FOXP1: variants seen among roughly 807,000 people sequenced by gnomAD.
The protein encoded by FOXP1 is forkhead box P1.
FOXP1 carries 15 observed loss-of-function variants against 98.2 expected under a neutral mutation model. The observed-to-expected ratio is 0.15, with a 90% confidence interval of 0.10 to 0.24. The LOEUF is 0.24. Among genes scored for constraint, FOXP1 ranks in the 10% least tolerant of loss-of-function variants. The probability of loss-of-function intolerance (pLI) is 1.00; values close to 1 mark genes in which losing one functional copy is unlikely to be tolerated. For synonymous variants in FOXP1, 371 were observed against 314.5 expected (o/e 1.18, Z -1.90); for missense variants, 633 against 848.5 (o/e 0.75, Z 3.15).
intron 3 of FOXP1, among the ~76,000 whole-genome samples, chr3:71,380,296 G>T (rs1329521237): frequency 6.6e-6 from 1 of 152,150 alleles, no homozygotes; most frequent in African/African-American, 2.4e-5. Context: ...TGAGCCGCAG[G>T]TTCTAATTTT....
At chr3:71,052,871 A>T (rs1372308319) in intron 8 of FOXP1, among the ~76,000 whole-genome samples, 2 of 152,264 alleles carry the variant, frequency 1.3e-5, no homozygotes. Flanking sequence ...TAATTAAAAT[A>T]AGGCAAAGAA....
intron 3 of FOXP1, among the ~76,000 whole-genome samples, chr3:71,478,650 T>C (rs2090040146): frequency 6.6e-6 from 1 of 152,220 alleles, no homozygotes; most frequent in Non-Finnish European, 1.5e-5. Context: ...TCAGTATGCA[T>C]TAATGGCACT....
At chr3:71,111,158 T>A (rs2057887631) in intron 7 of FOXP1, among the ~76,000 whole-genome samples, 1 of 152,094 alleles carries the variant, frequency 6.6e-6, no homozygotes. Context: ...AAGCTAGAAT[T>A]TAGGTTGACC....
chr3:71,464,437 C>T (rs1441501144), intron 3 of FOXP1, among the ~76,000 whole-genome samples: 5 of 152,164 alleles, frequency 3.3e-5, no homozygotes, highest in African/African-American at 9.7e-5. Flanking sequence ...CTTAAAGGCC[C>T]CACACAAGTT....
In FOXP1 at chr3:70,979,279, CAA is replaced by C. The variant is rs544916383; in HGVS notation, c.1147-1252_1147-1251del. 2.4e-3 allele frequency among the ~76,000 whole-genome samples: 102 copies of C among 42,526 alleles called. 1 individual carries two copies. The South Asian group carries it at 0.037, about 15-fold the overall frequency. 27.9% of individuals were successfully genotyped at this position (42,526 alleles called of 152,430 possible). ...TGGGTGATAGAGTGAGACTCTACCT[CAA>C]AAAAAAAAAAAAAAAAAAAAAAAAA... On this transcript the variant is annotated intron_variant, in intron 14 of 20. Transcript: ENST00000649528.
At chr3:71,062,556 C>T (rs2051676013) in intron 7 of FOXP1, among the ~76,000 whole-genome samples, 2 of 152,184 alleles carry the variant, frequency 1.3e-5, no homozygotes, top group South Asian at 2.1e-4. Context: ...ATTATCATAG[C>T]TTAGCCATGA....
At chr3:71,111,807 T>C (rs1440361599) in intron 7 of FOXP1, among the ~76,000 whole-genome samples, 1 of 152,212 alleles carries the variant, frequency 6.6e-6, no homozygotes, top group African/African-American at 2.4e-5. Flanking sequence ...TATCTTTACA[T>C]AAAAATTTCT....
At chr3:71,354,276 T>A (rs1434372963) in intron 4 of FOXP1, among the ~76,000 whole-genome samples, 1 of 142,802 alleles carries the variant, frequency 7.0e-6, no homozygotes, top group East Asian at 1.9e-4. Flanking sequence ...AGACTCCGTC[T>A]CCAGAAAAAA....
At chr3:71,348,046 G>A (rs1227603240) in intron 4 of FOXP1, among the ~76,000 whole-genome samples, 3 of 152,194 alleles carry the variant, frequency 2.0e-5, no homozygotes, top group African/African-American at 7.2e-5. Flanking sequence ...ATTAGGCACA[G>A]TAAGAGATTA....
chr3:71,317,446 A>C (rs1037098151), intron 4 of FOXP1, among the ~76,000 whole-genome samples: 1 of 152,234 alleles, frequency 6.6e-6, no homozygotes, highest in African/African-American at 2.4e-5. Context: ...AGAAATATTA[A>C]CTAAGAATTT....
intron 17 of FOXP1, among the ~76,000 whole-genome samples, chr3:70,976,603 G>A (rs2037589857): frequency 6.6e-6 from 1 of 152,150 alleles, no homozygotes; most frequent in African/African-American, 2.4e-5. Context: ...GGCTGTGGCT[G>A]AAGACCTAAC....
At chr3:71,570,637 C>T (rs982339819) in intron 2 of FOXP1, 1 of 152,222 alleles carries the variant, frequency 6.6e-6, no homozygotes, top group South Asian at 2.1e-4. Context: ...CATCTCAGCC[C>T]AAGGAGGCAG....
chr3:71,242,118 C>T (rs1459438432), intron 5 of FOXP1, among the ~76,000 whole-genome samples: 1 of 152,184 alleles, frequency 6.6e-6, no homozygotes, highest in Non-Finnish European at 1.5e-5. Context: ...CCTGCTTCTA[C>T]TTGCAGCAAT....
At chr3:71,516,638 G>A (rs983000925) in intron 2 of FOXP1, among the ~76,000 whole-genome samples, 4 of 152,130 alleles carry the variant, frequency 2.6e-5, no homozygotes, top group African/African-American at 7.2e-5. Context: ...CTGAGGTCAG[G>A]AGTTCAAGAC....
chr3:71,224,569 A>C (rs1277853691), intron 5 of FOXP1, among the ~76,000 whole-genome samples: 2 of 152,224 alleles, frequency 1.3e-5, no homozygotes, highest in African/African-American at 2.4e-5. Flanking sequence ...AGTGTCTCAG[A>C]AAACATACAC....
At chr3:71,476,505 C>A (rs2089856251) in intron 3 of FOXP1, among the ~76,000 whole-genome samples, 1 of 151,964 alleles carries the variant, frequency 6.6e-6, no homozygotes, top group Admixed American at 6.6e-5. Context: ...CAGAATGAGT[C>A]CTCGGGTTAT....
chr3:71,008,393 G>A (rs1242201174), intron 12 of FOXP1, among the ~76,000 whole-genome samples: 1 of 152,174 alleles, frequency 6.6e-6, no homozygotes, highest in Non-Finnish European at 1.5e-5. Context: ...CAAGTGGGGA[G>A]AAGATGGAAG....
intron 3 of FOXP1, among the ~76,000 whole-genome samples, chr3:71,449,919 G>C (rs2086784639): frequency 6.6e-6 from 1 of 152,092 alleles, no homozygotes; most frequent in South Asian, 2.1e-4. Context: ...GTAAATAAAA[G>C]TTTAAAAAAT....
intron 3 of FOXP1, among the ~76,000 whole-genome samples, chr3:71,463,840 G>T (rs2088417666): frequency 6.6e-6 from 1 of 152,106 alleles, no homozygotes. Flanking sequence ...CATATATTTT[G>T]TAATAACGGA....
Sources: gnomAD v4.1 joint callset for allele counts (sites outside exome capture counted in the v4.1 genomes callset) on GRCh38, gnomAD v4.1.1 for gene constraint, MANE v1.5 for transcripts, NCBI Gene and HGNC (gene_info 2026-07-23, HGNC 2026-07-21) for gene names.